ESYT2: variants seen among roughly 807,000 people sequenced by gnomAD.
ESYT2 encodes the protein extended synaptotagmin 2.
A neutral mutation model predicts 107.2 loss-of-function variants in ESYT2; 54 were observed. That is an observed-to-expected ratio of 0.50 (90% confidence interval 0.40 to 0.63). ESYT2 has a LOEUF of 0.63. Among genes scored for constraint, ESYT2 ranks in the 30% least tolerant of loss-of-function variants. The pLI is 0.00. For missense variants in ESYT2, 1,020 were observed against 1,094.5 expected, an observed-to-expected ratio of 0.93 and a Z score of 0.96; for synonymous variants, 491 against 434.1, an observed-to-expected ratio of 1.13 and a Z score of -1.63.
rs1424529069 is a variant in ESYT2, at chr7:158,764,887, TG to T, written c.925-35del. 8.1e-6 allele frequency: 13 copies of T among 1,601,562 alleles called. No homozygotes were observed. In the East Asian group the frequency reaches 1.1e-4, roughly 14 times the overall value. ...AAGAACAAACTGAAGTTTAGACCCTTGGCTGGCTTGTTTAACTGGCATGGAA... is the reference window on the plus strand; with the variant it reads ...AAGAACAAACTGAAGTTTAGACCCTTGCTGGCTTGTTTAACTGGCATGGAA... On this transcript the variant is annotated intron_variant, in intron 8 of 22. Coordinates refer to ENST00000275418, the MANE Select transcript of ESYT2 (RefSeq NM_001367773.1).
intron 1 of ESYT2, among the ~76,000 whole-genome samples, chr7:158,816,913 T>G (rs1387757044): frequency 6.6e-6 from 1 of 152,234 alleles, no homozygotes; most frequent in Non-Finnish European, 1.5e-5. Context: ...CAGATATTAA[T>G]GTAGACGGTG....
At chr7:158,776,955 T>G (rs1374212672) in intron 6 of ESYT2, among the ~76,000 whole-genome samples, 2 of 151,450 alleles carry the variant, frequency 1.3e-5, no homozygotes. Flanking sequence ...CAGGTTCAAG[T>G]GATTCTCCTG....
chr7:158,752,911 T>C, intron 13 of ESYT2, 68 bp from the exon 14 acceptor site: 1 of 1,049,810 alleles, frequency 9.5e-7, no homozygotes. Context: ...TATGTAAGGT[T>C]AAAGACATGA....
chr7:158,775,749 C>G (rs760481361), intron 6 of ESYT2, among the ~76,000 whole-genome samples: 1 of 152,086 alleles, frequency 6.6e-6, no homozygotes. Flanking sequence ...TCAACTTTTT[C>G]CAAATTCCTG....
chr7:158,734,488 A>T lies in ESYT2; in HGVS notation c.2506-17T>A. On this transcript the variant is annotated splice_polypyrimidine_tract_variant and intron_variant, in intron 21 of 22. Transcript: ENST00000275418. ...AACCAATACCTGTGGGTTGTTAAAA[A>T]AGCAGTTAAAGTAGGCTGGGCTGGG... The T allele has an allele frequency of 6.2e-7, 1 of 1,611,354 alleles. No homozygotes were observed. The highest frequency in any genetic ancestry group is 8.5e-7 in the Non-Finnish European group (1 of 1,178,644).
rs181818724 is a variant in ESYT2 at position 158,781,406 on chromosome 7, G to A, written c.747+6598C>T. 1.2e-3 allele frequency among the ~76,000 whole-genome samples: 175 copies of A among 141,922 alleles called. 1 individual carries two copies. The highest frequency in any genetic ancestry group is 2.6e-4 in the Non-Finnish European group (17 of 64,454). The allele number at this position is 141,922 out of a possible 152,430, so 93.1% of individuals were successfully genotyped here. On this transcript the variant is annotated intron_variant, in intron 6 of 22. Transcript: ENST00000275418. Reference sequence around the variant, plus strand: ...AACGAGTGTTGAGAACAAAGTGTGAGGTGTGAGTGTAAGAACGAGTGAGAA... The same window carrying A: ...AACGAGTGTTGAGAACAAAGTGTGAAGTGTGAGTGTAAGAACGAGTGAGAA...
rs150280446 is a variant in ESYT2, at chr7:158,778,549, C to T, written c.748-5153G>A. On this transcript the variant is annotated intron_variant, in intron 6 of 22. Transcript: ENST00000275418. The stretch of plus-strand genomic sequence containing the variant: ...AGGAAAATAATAAAAGAATCTCCTC[C>T]TATTCCTGAAATTTCACGTTCCATA... 7.1e-4 allele frequency among the ~76,000 whole-genome samples: 108 copies of T among 152,110 alleles called. 1 individual carries two copies. The highest frequency in any genetic ancestry group is 2.6e-3 in the African/African-American group (107 of 41,506).
intron 6 of ESYT2, among the ~76,000 whole-genome samples, chr7:158,781,364 G>C (rs989694796): frequency 6.6e-6 from 1 of 151,840 alleles, no homozygotes; most frequent in Non-Finnish European, 1.5e-5. Flanking sequence ...GTAAGAACGA[G>C]AACAAGTGTG....
At chr7:158,820,879 C>G (rs573384888) in intron 1 of ESYT2, among the ~76,000 whole-genome samples, 105 of 152,320 alleles carry the variant, frequency 6.9e-4, no homozygotes, top group African/African-American at 2.4e-3. Flanking sequence ...TTATTGCCGG[C>G]TGGTAAATTT....
chr7:158,782,483 GAGGTGT>G (rs1409207724), intron 6 of ESYT2, among the ~76,000 whole-genome samples: 3 of 91,910 alleles, frequency 3.3e-5, no homozygotes, highest in South Asian at 3.4e-4. Flanking sequence ...AGAACAGTGA[GAGGTGT>G]GTGTGAAACA....
At chr7:158,773,482 C>CA in intron 6 of ESYT2, 86 bp from the exon 7 acceptor site, 4 of 1,344,838 alleles carry the variant, frequency 3.0e-6, no homozygotes, top group Non-Finnish European at 4.2e-6. Flanking sequence ...TCTTTGTAGA[C>CA]AAAATGGGTT....
chr7:158,745,140 T>A (rs181826262), intron 16 of ESYT2, among the ~76,000 whole-genome samples: 55 of 151,360 alleles, frequency 3.6e-4, no homozygotes, highest in African/African-American at 1.3e-3. Context: ...CAACACAGAA[T>A]AATGAGACAG....
At chr7:158,743,419 CAGCCGACACAGAGCTTT>C in intron 17 of ESYT2, 93 bp downstream of exon 17, 16 of 1,411,284 alleles carry the variant, frequency 1.1e-5, no homozygotes, top group Non-Finnish European at 1.4e-5. Context: ...CCCAGAGCTG[CAGCCGACACAGAGCTTT>C]CTTCACCGGC....
intron 13 of ESYT2, among the ~76,000 whole-genome samples, chr7:158,754,926 T>C (rs1007518996): frequency 6.6e-6 from 1 of 152,160 alleles, no homozygotes; most frequent in African/African-American, 2.4e-5. Context: ...GCCTGGCTCC[T>C]GGAAAGTGCT....
chr7:158,798,219 C>T (rs1839528009), intron 2 of ESYT2, 143 bp from the exon 3 acceptor site: 2 of 850,266 alleles, frequency 2.4e-6, no homozygotes, highest in African/African-American at 1.7e-5. Context: ...GCAAAATCAA[C>T]ATGATCTAAA....
At chr7:158,753,883 C>T (rs1033018827) in intron 13 of ESYT2, among the ~76,000 whole-genome samples, 47 of 152,280 alleles carry the variant, frequency 3.1e-4, no homozygotes, top group African/African-American at 1.1e-3. Context: ...GAAGGACTGA[C>T]ATTCTTCGGA....
Position 158,806,126 on chromosome 7 carries a change from TGGGAGGTGCC to T in ESYT2, c.331-7064_331-7055del, listed in dbSNP as rs1429243064. Among the ~76,000 whole-genome samples, 703 of 151,782 alleles carry T rather than the reference TGGGAGGTGCC, an allele frequency of 4.6e-3. 8 individuals are homozygous for T. Among genetic ancestry groups the T allele is most frequent in the African/African-American group, 0.014 (580 of 41,324 alleles). On this transcript the variant is annotated intron_variant, in intron 1 of 22. Coordinates refer to ENST00000275418, the MANE Select transcript of ESYT2 (RefSeq NM_001367773.1). ...GTGGGAGGCGCCGGGGCACACCGCG[TGGGAGGTGCC>T]GGGGCACACCGCGTAGGAGGCGCTG...
chr7:158,747,380 C>T (rs768071658), intron 16 of ESYT2, among the ~76,000 whole-genome samples: 2 of 151,448 alleles, frequency 1.3e-5, no homozygotes, highest in East Asian at 1.9e-4. Context: ...AAACCCCAAA[C>T]GTCTTACAAA....
chr7:158,796,116 CTGCACGGGG>C (rs1369287062), intron 3 of ESYT2, among the ~76,000 whole-genome samples: 2 of 152,224 alleles, frequency 1.3e-5, no homozygotes, highest in Non-Finnish European at 2.9e-5. Flanking sequence ...CTGAACCGCA[CTGCACGGGG>C]ATGTCTGTTT....
Sources: allele counts gnomAD v4.1 joint callset (sites outside exome capture counted in the v4.1 genomes callset), GRCh38; gene constraint gnomAD v4.1.1; transcripts MANE v1.5; gene names NCBI Gene and HGNC (gene_info 2026-07-23, HGNC 2026-07-21).